Variants in TRPM3 observed in about 807,000 individuals in gnomAD.
TRPM3 encodes the protein transient receptor potential cation channel subfamily M member 3.
A neutral mutation model predicts 181.2 loss-of-function variants in TRPM3; 77 were observed. The observed-to-expected ratio is 0.42, with a 90% CI of 0.35 to 0.51. TRPM3 has a LOEUF of 0.51. Ranked by LOEUF, TRPM3 falls within the 20% of genes least tolerant of loss-of-function variation. The pLI is 0.01. For missense variants in TRPM3, 1,759 were observed against 2,196.7 expected, an observed-to-expected ratio of 0.80 and a Z score of 3.98; for synonymous variants, 745 against 796.4, an observed-to-expected ratio of 0.94 and a Z score of 1.09.
At chr9:71,188,187 A>T (rs1315377967) in intron 1 of TRPM3, among the ~76,000 whole-genome samples, 1 of 151,860 alleles carries the variant, frequency 6.6e-6, no homozygotes, top group Non-Finnish European at 1.5e-5. Flanking sequence ...CTTATGGTAA[A>T]TGTCAAATTG....
At chr9:71,443,239 A>T (rs138278877) in intron 1 of TRPM3, among the ~76,000 whole-genome samples, 1 of 152,302 alleles carries the variant, frequency 6.6e-6, no homozygotes, top group Admixed American at 6.5e-5. Context: ...AGATTAATGG[A>T]TTATAGCAAA....
intron 7 of TRPM3, chr9:70,775,819 T>TA (rs774178786): frequency 1.3e-5 from 2 of 152,002 alleles, no homozygotes; most frequent in East Asian, 1.9e-4. Flanking sequence ...CCTCTTATTT[T>TA]AAAAAATGCA....
intron 19 of TRPM3, among the ~76,000 whole-genome samples, chr9:70,605,575 T>A (rs1036447047): frequency 1.2e-4 from 18 of 152,180 alleles, no homozygotes; most frequent in African/African-American, 4.3e-4. Flanking sequence ...TGTAGGACGC[T>A]GTTTAAAAAT....
rs1204369382 is a variant in TRPM3, at chr9:70,532,910, G to T, written c.*3043C>A. On this transcript the variant is annotated 3_prime_UTR_variant, in exon 26 of 26. Coordinates refer to ENST00000677713, the MANE Select transcript of TRPM3 (RefSeq NM_001366145.2). ...AAGGCCACAGAATCAATGCCACATT[G>T]CTGCACAGAGAACCCAGAAATGGAA... is the stretch of plus-strand genomic sequence containing the variant. 1 of 152,194 alleles carries T rather than the reference G, an allele frequency of 6.6e-6. No individual in the cohort carries two copies. Among genetic ancestry groups the T allele is most frequent in the African/African-American group, 2.4e-5 (1 of 41,440 alleles). 9.4% of individuals were successfully genotyped at this position (152,194 alleles called of 1,614,324 possible). A position where few individuals can be genotyped will look rare whatever the true frequency, so the allele number is the denominator to read the frequency against.
intron 1 of TRPM3, among the ~76,000 whole-genome samples, chr9:71,266,357 C>G (rs915507653): frequency 1.3e-5 from 2 of 152,076 alleles, no homozygotes; most frequent in Non-Finnish European, 2.9e-5. Flanking sequence ...AAAGGTCTAC[C>G]TTTGATGCTC....
At chr9:71,211,374 T>TA (rs397784605) in intron 1 of TRPM3, among the ~76,000 whole-genome samples, 2 of 151,508 alleles carry the variant, frequency 1.3e-5, no homozygotes, top group Non-Finnish European at 2.9e-5. Context: ...TTTTTTTTTT[T>TA]AAATAGGAAG....
At chr9:70,864,608 C>T in intron 1 of TRPM3, 97 bp from the exon 2 acceptor site, 2 of 714,064 alleles carry the variant, frequency 2.8e-6, no homozygotes, top group East Asian at 3.1e-5. Context: ...TTCATAATCA[C>T]ATAAGAGACT....
rs1472872250 is a variant in TRPM3, at chr9:70,529,926, A to G, written c.*6027T>C. ...AACCCTACTTCTGTTGACTTTCACC[A>G]GTCCAGTTCACACATTTGTGTTTTC... is the stretch of plus-strand genomic sequence containing the variant. On this transcript the variant is annotated 3_prime_UTR_variant, in exon 26 of 26. Transcript: ENST00000677713. 1 of 152,230 alleles carries G rather than the reference A, an allele frequency of 6.6e-6. No individual in the cohort carries two copies. Among genetic ancestry groups the G allele is most frequent in the Non-Finnish European group, 1.5e-5 (1 of 68,044 alleles). 9.4% of individuals were successfully genotyped at this position (152,230 alleles called of 1,614,324 possible).
chr9:70,699,955 G>A (rs2071868766), intron 8 of TRPM3, among the ~76,000 whole-genome samples: 1 of 152,118 alleles, frequency 6.6e-6, no homozygotes, highest in Admixed American at 6.5e-5. Flanking sequence ...ACAGTGCTGC[G>A]AGCATGGGGC....
chr9:70,614,930 C>T (rs999887022), intron 18 of TRPM3, among the ~76,000 whole-genome samples: 3 of 152,206 alleles, frequency 2.0e-5, no homozygotes, highest in African/African-American at 7.2e-5. Context: ...GCCGACTCCT[C>T]CACAGATTTT....
At chr9:70,608,357 T>C (rs2061517323) in intron 19 of TRPM3, among the ~76,000 whole-genome samples, 1 of 147,882 alleles carries the variant, frequency 6.8e-6, no homozygotes, top group South Asian at 2.3e-4. Context: ...GAATATGTGT[T>C]TCAAGTATTC....
intron 1 of TRPM3, among the ~76,000 whole-genome samples, chr9:71,388,241 GAC>G (rs2092974152): frequency 6.6e-6 from 1 of 152,054 alleles, no homozygotes; most frequent in African/African-American, 2.4e-5. Flanking sequence ...AACATACATA[GAC>G]ACACAAAGTT....
intron 25 of TRPM3, among the ~76,000 whole-genome samples, chr9:70,541,288 G>C (rs182847400): frequency 1.3e-5 from 2 of 152,294 alleles, no homozygotes; most frequent in East Asian, 1.9e-4. Flanking sequence ...TGGGCTCTGA[G>C]ATGGGCTGAA....
chr9:70,872,596 T>A (rs987628478), intron 1 of TRPM3, among the ~76,000 whole-genome samples: 1 of 151,950 alleles, frequency 6.6e-6, no homozygotes, highest in Admixed American at 6.6e-5. Flanking sequence ...GTCCCTCACA[T>A]TACCTGCCAT....
At chr9:71,168,121 C>A (rs937834545) in intron 1 of TRPM3, among the ~76,000 whole-genome samples, 2 of 152,116 alleles carry the variant, frequency 1.3e-5, no homozygotes, top group Non-Finnish European at 2.9e-5. Context: ...CATATCATGA[C>A]ATCTTTAGTA....
chr9:70,901,942 A>G (rs1212874061), intron 1 of TRPM3, among the ~76,000 whole-genome samples: 1 of 152,162 alleles, frequency 6.6e-6, no homozygotes, highest in Non-Finnish European at 1.5e-5. Context: ...ATTACATGTC[A>G]CATATTGTGC....
intron 1 of TRPM3, among the ~76,000 whole-genome samples, chr9:70,877,804 A>AACACACACAC (rs5898169): frequency 0.06 from 8,772 of 146,072 alleles, 323 homozygotes; most frequent in Middle Eastern, 0.11. Flanking sequence ...AAAATCATAA[A>AACACACACAC]ACACACACAC....
chr9:70,738,544 G>C (rs112390808), intron 8 of TRPM3, among the ~76,000 whole-genome samples: 4 of 152,098 alleles, frequency 2.6e-5, no homozygotes, highest in African/African-American at 9.6e-5. Context: ...GTCAGAAAGA[G>C]CACAGACAAT....
chr9:70,937,825 G>A (rs938186407), intron 1 of TRPM3, among the ~76,000 whole-genome samples: 3 of 142,194 alleles, frequency 2.1e-5, no homozygotes, highest in African/African-American at 5.2e-5. Context: ...AGGTGCTGCA[G>A]AAGTCAACTG....
Sources: gnomAD v4.1 joint callset for allele counts (sites outside exome capture counted in the v4.1 genomes callset) on GRCh38, gnomAD v4.1.1 for gene constraint, MANE v1.5 for transcripts, NCBI Gene and HGNC (gene_info 2026-07-23, HGNC 2026-07-21) for gene names.